Variants in GRM1 observed in about 807,000 individuals in gnomAD.
GRM1 encodes the protein glutamate metabotropic receptor 1.
Under a neutral mutation model 90.9 loss-of-function variants are expected in GRM1, and 33 were observed. That is an observed-to-expected ratio of 0.36 (90% CI 0.28 to 0.49). GRM1 has a LOEUF of 0.49. Among genes scored for constraint, GRM1 ranks in the 20% least tolerant of loss-of-function variants. The pLI is 0.99. For synonymous variants in GRM1, 700 were observed against 613.2 expected, an observed-to-expected ratio of 1.14 and a Z score of -2.09; for missense variants, 1,190 against 1,534.3, an observed-to-expected ratio of 0.78 and a Z score of 3.75.
At chr6:146,141,168 AT>A (rs927229939) in intron 1 of GRM1, among the ~76,000 whole-genome samples, 23 of 151,580 alleles carry the variant, frequency 1.5e-4, no homozygotes, top group African/African-American at 4.6e-4. Context: ...AGAGTAAAAG[AT>A]TTTTTTTCGT....
At chr6:146,377,130 G>A (rs1052136309) in intron 5 of GRM1, among the ~76,000 whole-genome samples, 1 of 152,018 alleles carries the variant, frequency 6.6e-6, no homozygotes, top group African/African-American at 2.4e-5. Flanking sequence ...CCAGTCTTGG[G>A]TACGTCTTTA....
chr6:146,043,757 A>C (rs1218797024), intron 1 of GRM1, among the ~76,000 whole-genome samples: 2 of 139,396 alleles, frequency 1.4e-5, no homozygotes, highest in Non-Finnish European at 1.6e-5. Context: ...AAATATCTCA[A>C]CTCTATTTTT....
At chr6:146,422,031 G>C (rs1217853758) in intron 7 of GRM1, among the ~76,000 whole-genome samples, 1 of 152,098 alleles carries the variant, frequency 6.6e-6, no homozygotes, top group Non-Finnish European at 1.5e-5. Context: ...TTGAGTGGTG[G>C]CTGTCATTCT....
chr6:146,337,886 A>C (rs1315407751), intron 3 of GRM1, among the ~76,000 whole-genome samples: 2 of 152,230 alleles, frequency 1.3e-5, no homozygotes, highest in African/African-American at 4.8e-5. Flanking sequence ...ATAATTTTGC[A>C]CTTGTCAAAC....
At chr6:146,323,040 G>A (rs982551644) in intron 3 of GRM1, among the ~76,000 whole-genome samples, 2 of 152,090 alleles carry the variant, frequency 1.3e-5, no homozygotes, top group South Asian at 2.1e-4. Context: ...CTTTGCTATT[G>A]TGAATGTCCC....
intron 2 of GRM1, among the ~76,000 whole-genome samples, chr6:146,192,629 C>A (rs1477555094): frequency 2.0e-5 from 3 of 152,180 alleles, no homozygotes; most frequent in African/African-American, 7.2e-5. Context: ...TTTCAAAATT[C>A]TCACTATTCT....
At chr6:146,255,294 CTTTATTT>C (rs1431894239) in intron 2 of GRM1, among the ~76,000 whole-genome samples, 1 of 152,114 alleles carries the variant, frequency 6.6e-6, no homozygotes, top group Non-Finnish European at 1.5e-5. Flanking sequence ...TGACTCAATT[CTTTATTT>C]TTTATTTTAG....
intron 1 of GRM1, among the ~76,000 whole-genome samples, chr6:146,044,107 T>C (rs933545616): frequency 6.6e-5 from 10 of 151,898 alleles, no homozygotes; most frequent in African/African-American, 2.4e-4. Flanking sequence ...GGACCTGCCA[T>C]GAGGCTGTGT....
intron 1 of GRM1, among the ~76,000 whole-genome samples, chr6:146,099,402 A>G (rs920167586): frequency 2.6e-5 from 4 of 152,148 alleles, no homozygotes; most frequent in African/African-American, 9.7e-5. Flanking sequence ...AATCTGTGTT[A>G]AAACTACCCA....
intron 3 of GRM1, among the ~76,000 whole-genome samples, chr6:146,307,101 A>G (rs1474190142): frequency 6.6e-6 from 1 of 152,180 alleles, no homozygotes; most frequent in Non-Finnish European, 1.5e-5. Flanking sequence ...AAGGTACACT[A>G]ATATTTTGGG....
intron 2 of GRM1, among the ~76,000 whole-genome samples, chr6:146,241,647 T>C (rs1051467063): frequency 3.9e-5 from 6 of 152,140 alleles, no homozygotes; most frequent in African/African-American, 1.4e-4. Flanking sequence ...TTGGTTCATT[T>C]CTGACACTAC....
At chr6:146,416,746 G>A (rs184931441) in intron 7 of GRM1, among the ~76,000 whole-genome samples, 62 of 152,134 alleles carry the variant, frequency 4.1e-4, no homozygotes, top group Admixed American at 1.7e-3. Flanking sequence ...AGAGCTATCC[G>A]GGGGTCCTGG....
intron 2 of GRM1, among the ~76,000 whole-genome samples, chr6:146,271,576 T>C (rs1282082202): frequency 6.6e-6 from 1 of 152,218 alleles, no homozygotes; most frequent in Non-Finnish European, 1.5e-5. Flanking sequence ...ACATTTACCT[T>C]ATTCCAACTC....
chr6:146,061,128 ATTAACT>A (rs1449659709), intron 1 of GRM1, among the ~76,000 whole-genome samples: 2 of 152,272 alleles, frequency 1.3e-5, no homozygotes, highest in African/African-American at 4.8e-5. Context: ...ACATTTATTG[ATTAACT>A]TTATTGTCTT....
chr6:146,152,855 A>G (rs919208114), intron 1 of GRM1, among the ~76,000 whole-genome samples: 3 of 152,186 alleles, frequency 2.0e-5, no homozygotes, highest in Admixed American at 6.5e-5. Flanking sequence ...TTACAATTAC[A>G]TAGCCTTTTT....
At chr6:146,069,197 T>C (rs945904592) in intron 1 of GRM1, among the ~76,000 whole-genome samples, 1 of 152,196 alleles carries the variant, frequency 6.6e-6, no homozygotes, top group African/African-American at 2.4e-5. Context: ...TTATGTTTCC[T>C]TGTGACTGTG....
intron 2 of GRM1, among the ~76,000 whole-genome samples, chr6:146,176,386 A>G (rs1306469945): frequency 6.6e-6 from 1 of 152,104 alleles, no homozygotes; most frequent in Non-Finnish European, 1.5e-5. Context: ...TTGGGTTAAT[A>G]TCTTACCTGT....
At chr6:146,120,950 A>G (rs1049779410) in intron 1 of GRM1, among the ~76,000 whole-genome samples, 15 of 152,226 alleles carry the variant, frequency 9.9e-5, no homozygotes, top group Admixed American at 7.2e-4. Context: ...TACTGGCCTC[A>G]TAAAATGAGT....
chr6:146,079,822 A>G (rs376127114), intron 1 of GRM1, among the ~76,000 whole-genome samples: 4 of 152,368 alleles, frequency 2.6e-5, no homozygotes, highest in African/African-American at 9.6e-5. Context: ...AGGAACTATC[A>G]GTGGAATTTT....
Sources: allele counts gnomAD v4.1 joint callset (sites outside exome capture counted in the v4.1 genomes callset), GRCh38; gene constraint gnomAD v4.1.1; transcripts MANE v1.5; gene names NCBI Gene and HGNC (gene_info 2026-07-23, HGNC 2026-07-21).